ZFHX3: variants seen among roughly 807,000 people sequenced by gnomAD.
ZFHX3 encodes zinc finger homeobox protein 3.
A neutral mutation model predicts 279.1 loss-of-function variants in ZFHX3; 42 were observed. The observed-to-expected ratio is 0.15, with a 90% CI of 0.12 to 0.19. The LOEUF (loss-of-function observed/expected upper bound fraction) is 0.19, where lower values mean the gene tolerates loss of function less well. Ranked by LOEUF, ZFHX3 falls within the 10% of genes least tolerant of loss-of-function variation. The pLI is 1.00. For synonymous variants in ZFHX3, 2,293 were observed against 1,957.8 expected (o/e 1.17, Z -4.52); for missense variants, 4,981 against 4,754.0 (o/e 1.05, Z -1.40).
chr16:73,143,840 G>A, intron 5 of ZFHX3: 1 of 1,258,080 alleles, frequency 7.9e-7, no homozygotes, highest in Non-Finnish European at 1.1e-6. Context: ...AGCTGAAGAA[G>A]AAAAGAAAGG....
At chr16:73,839,469 G>C (rs184249405) in intron 1 of ZFHX3, among the ~76,000 whole-genome samples, 2 of 151,394 alleles carry the variant, frequency 1.3e-5, no homozygotes, top group Non-Finnish European at 2.9e-5. Flanking sequence ...AGAGCCAACA[G>C]GTTGGAAGAT....
rs552525303 is a variant in ZFHX3 at position 72,847,331 on chromosome 16, C to T, written c.3449-17472G>A. Among the ~76,000 whole-genome samples, 9 of 152,276 alleles carry T rather than the reference C, an allele frequency of 5.9e-5. No individual in the cohort carries two copies. The South Asian group carries it at 1.0e-3, about 18-fold the overall frequency. ...TAAGACGTGTCTCCCCCTAGTGACA[C>T]GCAGACCTCTCTGCTACTGGTGCCA... On this transcript the variant is annotated intron_variant, in intron 4 of 9. Coordinates refer to ENST00000268489, the MANE Select transcript of ZFHX3 (RefSeq NM_006885.4).
At chr16:73,819,227 T>A (rs907154456) in intron 1 of ZFHX3, among the ~76,000 whole-genome samples, 6 of 151,760 alleles carry the variant, frequency 4.0e-5, no homozygotes, top group African/African-American at 1.5e-4. Flanking sequence ...GATTTCTCAG[T>A]CTCAGCACTA....
chr16:72,984,030 T>A (rs779778630), intron 1 of ZFHX3, among the ~76,000 whole-genome samples: 1 of 152,162 alleles, frequency 6.6e-6, no homozygotes, highest in Non-Finnish European at 1.5e-5. Flanking sequence ...GGGGCTTAAA[T>A]CCCATGGGTG....
intron 5 of ZFHX3, among the ~76,000 whole-genome samples, chr16:73,164,308 G>C (rs193100222): frequency 1.3e-5 from 2 of 152,316 alleles, no homozygotes; most frequent in Admixed American, 1.3e-4. Context: ...GAAGCCCAAA[G>C]ACATGGATGT....
In ZFHX3 at chr16:73,656,265, C is replaced by T. The variant is rs574153305; in HGVS notation, c.-1547+23915G>A. On this transcript the variant is annotated intron_variant, in intron 2 of 17. Transcript: ENST00000641206. ...AAAATTTTCACCAGGTGGCCCTTAA[C>T]AGAGTCAGATGTCAACTCCTAACTT... 7.9e-5 allele frequency among the ~76,000 whole-genome samples: 12 copies of T among 152,312 alleles called. No individual in the cohort carries two copies. In the East Asian group the frequency reaches 1.9e-3, roughly 25 times the overall value.
chr16:73,738,324 G>A (rs1274915394), intron 1 of ZFHX3, among the ~76,000 whole-genome samples: 1 of 152,178 alleles, frequency 6.6e-6, no homozygotes, highest in African/African-American at 2.4e-5. Context: ...AGAGGGGCAG[G>A]AGCCATGAAG....
At position 73,883,423 on chromosome 16, in the gene ZFHX3, GTGTGTA is replaced by G. The variant is rs879533771; in HGVS notation, c.-1608+8222_-1608+8227del. Reference sequence around the variant, plus strand: ...TATGTGTGTGTGTGTGTGTGTGTGTGTGTGTATATGAATATGTATTTATAATGTGGA... The same window carrying G: ...TATGTGTGTGTGTGTGTGTGTGTGTGTATGAATATGTATTTATAATGTGGA... On this transcript the variant is annotated intron_variant, in intron 1 of 17. Transcript: ENST00000641206. 7.2e-4 allele frequency among the ~76,000 whole-genome samples: 107 copies of G among 148,022 alleles called. No homozygotes were observed. The Middle Eastern group carries it at 0.021, about 29-fold the overall frequency.
chr16:73,325,916 C>T (rs111812111), intron 3 of ZFHX3, among the ~76,000 whole-genome samples: 32,629 of 132,822 alleles, frequency 0.25, 4,094 homozygotes, highest in African/African-American at 0.37. Flanking sequence ...CACACACACA[C>T]ACACACACAC....
At chr16:72,828,331 G>T (rs1835549678) in intron 5 of ZFHX3, among the ~76,000 whole-genome samples, 1 of 152,172 alleles carries the variant, frequency 6.6e-6, no homozygotes, top group African/African-American at 2.4e-5. Flanking sequence ...AGGCTTAACT[G>T]TCCCCTAAGT....
At position 73,044,063 on chromosome 16, in the gene ZFHX3, C is replaced by T. The variant is rs137962603; in HGVS notation, c.-50+3689G>A. On this transcript the variant is annotated intron_variant, in intron 1 of 9. Transcript: ENST00000268489. Reference sequence around the variant, plus strand: ...GACACTGTGCTTTGGACAGAACAGGCGCCCTTTATGATTTAAACTAGCTCC... The same window carrying T: ...GACACTGTGCTTTGGACAGAACAGGTGCCCTTTATGATTTAAACTAGCTCC... Among the ~76,000 whole-genome samples the T allele has an allele frequency of 3.5e-3, 539 of 152,248 alleles. 4 individuals carry two copies. In the Middle Eastern group the frequency reaches 0.041, roughly 12 times the overall value.
chr16:73,770,102 G>A (rs571104068), intron 1 of ZFHX3, among the ~76,000 whole-genome samples: 29 of 152,340 alleles, frequency 1.9e-4, no homozygotes, highest in Middle Eastern at 6.8e-3. Flanking sequence ...GTGGCAGAAG[G>A]AATTGAGCTT....
chr16:73,507,009 GT>G (rs2019338631), intron 2 of ZFHX3, among the ~76,000 whole-genome samples: 1 of 152,290 alleles, frequency 6.6e-6, no homozygotes, highest in Middle Eastern at 3.4e-3. Context: ...CGACGCATAA[GT>G]GGAATGCGTC....
At chr16:72,980,305 G>A (rs1016527181) in intron 1 of ZFHX3, among the ~76,000 whole-genome samples, 2 of 152,180 alleles carry the variant, frequency 1.3e-5, no homozygotes, top group African/African-American at 4.8e-5. Flanking sequence ...GGGGAAGGAG[G>A]AGAACTGTTC....
chr16:73,714,444 T>C (rs1177557873), intron 1 of ZFHX3, among the ~76,000 whole-genome samples: 1 of 152,056 alleles, frequency 6.6e-6, no homozygotes, highest in Non-Finnish European at 1.5e-5. Flanking sequence ...ACTGGCTAGA[T>C]CTGGGAGTCC....
intron 5 of ZFHX3, among the ~76,000 whole-genome samples, chr16:73,152,227 C>CTGTT (rs1966960695): frequency 1.3e-5 from 2 of 152,178 alleles, no homozygotes; most frequent in East Asian, 3.8e-4. Flanking sequence ...AATATACAGC[C>CTGTT]TGTTAGTTCT....
chr16:73,517,343 T>C (rs2019540556), intron 2 of ZFHX3, among the ~76,000 whole-genome samples: 1 of 152,210 alleles, frequency 6.6e-6, no homozygotes, highest in Non-Finnish European at 1.5e-5. Flanking sequence ...CTCAACAGAC[T>C]TGGCCATTTC....
chr16:72,833,975 G>A (rs962534102), intron 4 of ZFHX3, among the ~76,000 whole-genome samples: 3 of 152,184 alleles, frequency 2.0e-5, no homozygotes, highest in Non-Finnish European at 4.4e-5. Flanking sequence ...GCTGGGCATG[G>A]TGGCTCATGT....
intron 1 of ZFHX3, among the ~76,000 whole-genome samples, chr16:73,745,158 T>G (rs1404234383): frequency 6.6e-6 from 1 of 152,184 alleles, no homozygotes; most frequent in Admixed American, 6.6e-5. Context: ...CATCACAGAC[T>G]TTTCTGGTTA....
Sources: allele counts gnomAD v4.1 joint callset (sites outside exome capture counted in the v4.1 genomes callset), GRCh38; gene constraint gnomAD v4.1.1; transcripts MANE v1.5; gene names NCBI Gene and HGNC (gene_info 2026-07-23, HGNC 2026-07-21).